The following SHROOM3 variants were observed in gnomAD, a reference collection of about 807,000 sequenced individuals.
SHROOM3 encodes the protein shroom family member 3.
Under a neutral mutation model 138.6 loss-of-function variants are expected in SHROOM3, and 47 were observed. The ratio of observed to expected loss-of-function variants is 0.34; its 90% CI spans 0.27 to 0.43. SHROOM3 has a LOEUF of 0.43. Among genes scored for constraint, SHROOM3 ranks in the 20% least tolerant of loss-of-function variants. The pLI is 1.00. For missense variants in SHROOM3, 2,491 were observed against 2,596.5 expected, an observed-to-expected ratio of 0.96 and a Z score of 0.88; for synonymous variants, 1,062 against 1,063.3, an observed-to-expected ratio of 1.00 and a Z score of 0.02.
intron 2 of SHROOM3, among the ~76,000 whole-genome samples, chr4:76,673,356 G>A (rs566931056): frequency 1.3e-5 from 2 of 152,028 alleles, no homozygotes; most frequent in Admixed American, 6.6e-5. Flanking sequence ...TTATACCAAG[G>A]TAATTTTAAA....
intron 1 of SHROOM3, among the ~76,000 whole-genome samples, chr4:76,534,760 C>T (rs1732914285): frequency 6.6e-6 from 1 of 152,140 alleles, no homozygotes; most frequent in Admixed American, 6.5e-5. Context: ...CCTACCTATC[C>T]ACAGATCTAT....
intron 1 of SHROOM3, among the ~76,000 whole-genome samples, chr4:76,543,754 A>G (rs532091514): frequency 8.3e-4 from 126 of 152,226 alleles, no homozygotes; most frequent in Non-Finnish European, 1.5e-3. Flanking sequence ...CTGACAAGAA[A>G]TGTTTCATGG....
chr4:76,736,744 A>G (rs538912192), intron 4 of SHROOM3, among the ~76,000 whole-genome samples: 2 of 152,220 alleles, frequency 1.3e-5, no homozygotes, highest in African/African-American at 2.4e-5. Context: ...CCGTGTGTGT[A>G]TATATATAGA....
rs1372443322 is a variant in SHROOM3 at position 76,634,347 on chromosome 4, GTGCCCTAGACTGGAATTATTTT to G, written c.324-75806_324-75785del. Reference sequence around the variant, plus strand: ...CCTAGCAGACGTTGGTGGCCAGGAAGTGCCCTAGACTGGAATTATTTTTGTTGTTCTAATCTGAAAATGACAA... The same window carrying G: ...CCTAGCAGACGTTGGTGGCCAGGAAGTGTTGTTCTAATCTGAAAATGACAA... On this transcript the variant is annotated intron_variant, in intron 2 of 10. Transcript: ENST00000296043. Among the ~76,000 whole-genome samples the G allele has an allele frequency of 3.3e-5, 5 of 152,278 alleles. 1 individual carries two copies. The South Asian group carries it at 6.2e-4, about 19-fold the overall frequency.
At chr4:76,658,173 C>T (rs147268939) in intron 2 of SHROOM3, among the ~76,000 whole-genome samples, 95 of 152,314 alleles carry the variant, frequency 6.2e-4, no homozygotes, top group African/African-American at 2.0e-3. Context: ...TAGCATCCAC[C>T]GACTGTGAGG....
At chr4:76,477,158 G>T (rs888514038) in intron 1 of SHROOM3, among the ~76,000 whole-genome samples, 1 of 151,932 alleles carries the variant, frequency 6.6e-6, no homozygotes, top group Non-Finnish European at 1.5e-5. Flanking sequence ...TAGTAGAGAT[G>T]GGGTTTCACC....
chr4:76,503,167 C>CACACACACACACACA (rs1732135423), intron 1 of SHROOM3, among the ~76,000 whole-genome samples: 5 of 145,832 alleles, frequency 3.4e-5, no homozygotes, highest in East Asian at 2.0e-4. Flanking sequence ...TTGTCAACTT[C>CACACACACACACACA]CACACACACA....
rs142744454 is a variant in SHROOM3 at position 76,514,788 on chromosome 4, C to T, written c.169-40821C>T. On this transcript the variant is annotated intron_variant, in intron 1 of 10. Transcript: ENST00000296043. ...AGTATAGGGAAGGAGAACAAGACAA[C>T]GAGGAAAGATGGAAGAGAAAATACT... Among the ~76,000 whole-genome samples the T allele has an allele frequency of 3.5e-3, 525 of 151,916 alleles. 2 individuals carry two copies. Among genetic ancestry groups the T allele is most frequent in the African/African-American group, 0.011 (467 of 41,414 alleles).
At chr4:76,744,225 G>A (rs1030869392) in intron 5 of SHROOM3, among the ~76,000 whole-genome samples, 1 of 152,134 alleles carries the variant, frequency 6.6e-6, no homozygotes, top group Admixed American at 6.5e-5. Flanking sequence ...CAGTACTTGG[G>A]CACCCTTTTC....
At chr4:76,486,537 A>G (rs983674684) in intron 1 of SHROOM3, among the ~76,000 whole-genome samples, 17 of 152,334 alleles carry the variant, frequency 1.1e-4, no homozygotes, top group African/African-American at 3.6e-4. Context: ...TAATTTTTGT[A>G]AAGTAAAAAG....
intron 2 of SHROOM3, among the ~76,000 whole-genome samples, chr4:76,640,812 T>G (rs545369553): frequency 5.3e-5 from 8 of 152,226 alleles, no homozygotes; most frequent in African/African-American, 1.9e-4. Context: ...TTGCTGCTGG[T>G]GAATCTGCAG....
chr4:76,479,271 A>G (rs1055974913), intron 1 of SHROOM3, among the ~76,000 whole-genome samples: 1 of 152,020 alleles, frequency 6.6e-6, no homozygotes, highest in African/African-American at 2.4e-5. Context: ...CACCCAGTTT[A>G]GAGAAGAACA....
intron 1 of SHROOM3, chr4:76,509,436 A>G (rs1579202387): frequency 6.6e-6 from 1 of 152,210 alleles, no homozygotes; most frequent in Non-Finnish European, 1.5e-5. Context: ...AGGACAATGC[A>G]TAGACTTTGG....
intron 2 of SHROOM3, among the ~76,000 whole-genome samples, chr4:76,569,161 A>G (rs1733785754): frequency 6.6e-6 from 1 of 152,254 alleles, no homozygotes; most frequent in Non-Finnish European, 1.5e-5. Flanking sequence ...TTATGAGTAA[A>G]AGAACAGATC....
rs556729191 is a variant in SHROOM3, at chr4:76,545,039, A to G, written c.169-10570A>G. ...GGAATTAATCTTGTCCTTGGCTTTT[A>G]TTTTATCACTTTTTTCCTTTTTGTT... On this transcript the variant is annotated intron_variant, in intron 1 of 10. Transcript: ENST00000296043. Among the ~76,000 whole-genome samples the G allele has an allele frequency of 1.5e-4, 22 of 151,702 alleles. No homozygotes were observed. The South Asian group carries it at 4.4e-3, about 30-fold the overall frequency.
chr4:76,691,647 T>C (rs1449243161), intron 2 of SHROOM3, among the ~76,000 whole-genome samples: 4 of 152,246 alleles, frequency 2.6e-5, no homozygotes, highest in Non-Finnish European at 5.9e-5. Flanking sequence ...AACTGATTCA[T>C]GGGAATTAAA....
chr4:76,660,961 G>C (rs1736171847), intron 2 of SHROOM3, among the ~76,000 whole-genome samples: 1 of 151,512 alleles, frequency 6.6e-6, no homozygotes, highest in African/African-American at 2.4e-5. Context: ...CACCATGCCG[G>C]CTTAATTTTT....
At position 76,781,323 on chromosome 4, in the gene SHROOM3, C is replaced by T. The variant is rs1327569875; in HGVS notation, c.*2146C>T. On this transcript the variant is annotated 3_prime_UTR_variant, in exon 11 of 11. Coordinates refer to ENST00000296043, the MANE Select transcript of SHROOM3 (RefSeq NM_020859.4). ...TTTGATTTTTTATAGAGACGGGGGTCTCGCTATGTTGCCCAGGCTGGTTTC... is the reference window on the plus strand; with the variant it reads ...TTTGATTTTTTATAGAGACGGGGGTTTCGCTATGTTGCCCAGGCTGGTTTC... 2.0e-5 allele frequency: 3 copies of T among 152,150 alleles called. No homozygotes were observed. The highest frequency in any genetic ancestry group is 7.2e-5 in the African/African-American group (3 of 41,420). The allele number at this position is 152,150 out of a possible 1,614,324, so 9.4% of individuals were successfully genotyped here. A position where few individuals can be genotyped will look rare whatever the true frequency, so the allele number is the denominator to read the frequency against.
chr4:76,717,106 A>T (rs567595362), intron 3 of SHROOM3, among the ~76,000 whole-genome samples: 1 of 152,224 alleles, frequency 6.6e-6, no homozygotes, highest in South Asian at 2.1e-4. Flanking sequence ...TCCAGAATCT[A>T]TGTTGGTGTT....
Sources: gnomAD v4.1 joint callset for allele counts (sites outside exome capture counted in the v4.1 genomes callset) on GRCh38, gnomAD v4.1.1 for gene constraint, MANE v1.5 for transcripts, NCBI Gene and HGNC (gene_info 2026-07-23, HGNC 2026-07-21) for gene names.